DYNC1I1: variants seen among roughly 807,000 people sequenced by gnomAD.
DYNC1I1 encodes the protein dynein cytoplasmic 1 intermediate chain 1.
Under a neutral mutation model 86.6 loss-of-function variants are expected in DYNC1I1, and 43 were observed. The observed-to-expected ratio is 0.50, with a 90% CI of 0.39 to 0.64. DYNC1I1 has a LOEUF of 0.64. Ranked by LOEUF, DYNC1I1 falls within the 30% of genes least tolerant of loss-of-function variation. DYNC1I1 has a pLI of 0.00. For missense variants in DYNC1I1, 604 were observed against 788.8 expected (o/e 0.77, Z 2.81); for synonymous variants, 262 against 283.7 (o/e 0.92, Z 0.77).
At chr7:95,873,496 CATATACTTTGGAGT>C (rs769764317) in intron 6 of DYNC1I1, among the ~76,000 whole-genome samples, 3 of 152,330 alleles carry the variant, frequency 2.0e-5, no homozygotes, top group Non-Finnish European at 4.4e-5. Flanking sequence ...AAGGTATTCA[CATATACTTTGGAGT>C]TTACCAGATG....
intron 6 of DYNC1I1, among the ~76,000 whole-genome samples, chr7:95,881,460 AG>A (rs1790453272): frequency 6.6e-6 from 1 of 152,234 alleles, no homozygotes. Context: ...ACAGCATTCC[AG>A]TTTTGATAAC....
intron 6 of DYNC1I1, among the ~76,000 whole-genome samples, chr7:95,975,307 A>G (rs1793275051): frequency 6.6e-6 from 1 of 152,184 alleles, no homozygotes. Context: ...AATGCCTCAC[A>G]GTTCTGGAGG....
intron 14 of DYNC1I1, among the ~76,000 whole-genome samples, chr7:96,041,303 A>G (rs190217556): frequency 7.2e-5 from 11 of 152,348 alleles, no homozygotes; most frequent in South Asian, 4.1e-4. Flanking sequence ...CAGATTGACA[A>G]AAATCTAAGT....
chr7:95,836,364 A>T (rs372083888), intron 5 of DYNC1I1, among the ~76,000 whole-genome samples: 1 of 151,854 alleles, frequency 6.6e-6, no homozygotes, highest in African/African-American at 2.4e-5. Context: ...CTTCCCTTTG[A>T]GGGTAACCCG....
chr7:95,820,879 G>C (rs1414103991), intron 4 of DYNC1I1, among the ~76,000 whole-genome samples: 3 of 152,244 alleles, frequency 2.0e-5, no homozygotes, highest in Admixed American at 6.5e-5. Context: ...TGGCCGGCCA[G>C]TGGTCAGCAT....
intron 6 of DYNC1I1, among the ~76,000 whole-genome samples, chr7:95,936,550 A>G (rs1421802701): frequency 6.6e-6 from 1 of 151,990 alleles, no homozygotes; most frequent in East Asian, 1.9e-4. Context: ...AAAAAGAAAA[A>G]ATCTGTAGAG....
chr7:96,003,620 A>G (rs1794069246), intron 10 of DYNC1I1, among the ~76,000 whole-genome samples: 1 of 152,160 alleles, frequency 6.6e-6, no homozygotes, highest in Admixed American at 6.5e-5. Context: ...GAAAGGAAAG[A>G]GAAGTCTCAG....
intron 14 of DYNC1I1, among the ~76,000 whole-genome samples, chr7:96,048,913 T>C (rs1215750194): frequency 1.3e-5 from 2 of 152,208 alleles, no homozygotes; most frequent in Non-Finnish European, 2.9e-5. Flanking sequence ...CTTTCTCCTC[T>C]TCTTAATCTC....
rs142612633 is a variant in DYNC1I1 at position 95,777,737 on chromosome 7, T to C, written c.-10+4964T>C. On this transcript the variant is annotated intron_variant, in intron 1 of 16. Transcript: ENST00000447467. ...GAGTTGAGGGTATTCATAATAAAAA[T>C]AATGAATCTCAAGCACTATAGAGGA... 7.9e-5 allele frequency among the ~76,000 whole-genome samples: 12 copies of C among 152,240 alleles called. No homozygotes were observed. In the East Asian group the frequency reaches 2.3e-3, roughly 29 times the overall value.
intron 1 of DYNC1I1, among the ~76,000 whole-genome samples, chr7:95,799,638 AAG>A (rs1340565608): frequency 2.6e-5 from 4 of 151,710 alleles, no homozygotes; most frequent in African/African-American, 7.3e-5. Context: ...ATTTTTTAAA[AAG>A]TTTTTTTTTT....
chr7:95,965,495 T>C (rs1792986913), intron 6 of DYNC1I1, among the ~76,000 whole-genome samples: 1 of 152,194 alleles, frequency 6.6e-6, no homozygotes, highest in Non-Finnish European at 1.5e-5. Flanking sequence ...ATGTTTTAAA[T>C]GTATAAAGTG....
At chr7:95,909,293 G>C (rs565461447) in intron 6 of DYNC1I1, among the ~76,000 whole-genome samples, 1 of 149,496 alleles carries the variant, frequency 6.7e-6, no homozygotes, top group Admixed American at 6.7e-5. Context: ...GATATTTTTC[G>C]AACTCTAGCA....
intron 14 of DYNC1I1, among the ~76,000 whole-genome samples, chr7:96,057,760 C>G (rs1036178169): frequency 2.3e-4 from 35 of 152,106 alleles, no homozygotes; most frequent in Admixed American, 1.8e-3. Flanking sequence ...AGTCAGGGTA[C>G]TAAATGATTA....
At chr7:96,015,682 C>T (rs2115875293) in intron 10 of DYNC1I1, among the ~76,000 whole-genome samples, 1 of 152,190 alleles carries the variant, frequency 6.6e-6, no homozygotes, top group Non-Finnish European at 1.5e-5. Context: ...GAATTGCCTT[C>T]AGCTTAGAAA....
chr7:95,903,679 G>A (rs1052721763), intron 6 of DYNC1I1, among the ~76,000 whole-genome samples: 1 of 152,174 alleles, frequency 6.6e-6, no homozygotes, highest in African/African-American at 2.4e-5. Context: ...TCCAGGCCTT[G>A]CTAAGTGGAT....
intron 4 of DYNC1I1, among the ~76,000 whole-genome samples, chr7:95,817,546 T>G (rs1203223107): frequency 6.6e-6 from 1 of 152,182 alleles, no homozygotes; most frequent in Non-Finnish European, 1.5e-5. Flanking sequence ...ATTATTATAA[T>G]TTTTTCATAT....
chr7:96,013,619 T>C (rs1486187462), intron 10 of DYNC1I1, among the ~76,000 whole-genome samples: 1 of 152,072 alleles, frequency 6.6e-6, no homozygotes, highest in Non-Finnish European at 1.5e-5. Context: ...CCACCACGCC[T>C]GGCTAATTTT....
intron 14 of DYNC1I1, among the ~76,000 whole-genome samples, chr7:96,057,359 T>A (rs1044958882): frequency 2.6e-5 from 4 of 152,124 alleles, no homozygotes; most frequent in African/African-American, 9.7e-5. Context: ...AGAAAAAAAA[T>A]GTCTAGAAAG....
At chr7:96,091,337 G>A (rs369020920) in intron 16 of DYNC1I1, among the ~76,000 whole-genome samples, 9 of 152,078 alleles carry the variant, frequency 5.9e-5, no homozygotes, top group Non-Finnish European at 1.3e-4. Context: ...ATGAATTGTC[G>A]TGTATCTCTT....
Sources: allele counts gnomAD v4.1 joint callset (sites outside exome capture counted in the v4.1 genomes callset), GRCh38; gene constraint gnomAD v4.1.1; transcripts MANE v1.5; gene names NCBI Gene and HGNC (gene_info 2026-07-23, HGNC 2026-07-21).